Variants in REV3L observed in about 807,000 individuals in gnomAD.
REV3L encodes the protein REV3 like, DNA directed polymerase zeta catalytic subunit.
A neutral mutation model predicts 299.4 loss-of-function variants in REV3L; 69 were observed. The observed-to-expected ratio is 0.23, with a 90% confidence interval of 0.19 to 0.28. REV3L has a LOEUF of 0.28. Ranked by LOEUF, REV3L falls within the 10% of genes least tolerant of loss-of-function variation. REV3L has a pLI of 1.00. For synonymous variants in REV3L, 1,238 were observed against 1,271.4 expected, an observed-to-expected ratio of 0.97 and a Z score of 0.56; for missense variants, 3,128 against 3,693.8, an observed-to-expected ratio of 0.85 and a Z score of 3.97.
intron 4 of REV3L, among the ~76,000 whole-genome samples, chr6:111,401,650 A>G (rs1783091318): frequency 1.3e-5 from 2 of 152,240 alleles, no homozygotes; most frequent in African/African-American, 4.8e-5. Context: ...ATAAAAATGT[A>G]ATTTTAACAA....
At chr6:111,457,585 T>C (rs1790294172) in intron 1 of REV3L, among the ~76,000 whole-genome samples, 1 of 151,808 alleles carries the variant, frequency 6.6e-6, no homozygotes, top group Admixed American at 6.6e-5. Flanking sequence ...AATTGATGCT[T>C]CAGGAACAGC....
Position 111,313,466 on chromosome 6 carries a change from T to C in REV3L, c.8490A>G (p.Gln2830=). The part of the protein sequence containing the change: ...FEKVYLPCVL[Q]TKKRYVGYMY... The stretch of plus-strand genomic sequence containing the variant: ...TGTAACCCACATACCTCTTTTTTGT[T>C]TGTAAAACACAGGGCAAATATACCT... Residue 2830 remains glutamine (Q), a synonymous_variant, in exon 28 of 32, where the codon CAA becomes CAG. Coordinates refer to ENST00000368802, the MANE Select transcript of REV3L (RefSeq NM_001372078.1). The C allele has an allele frequency of 6.2e-7, 1 of 1,611,876 alleles. No homozygotes were observed. The highest frequency in any genetic ancestry group is 8.5e-7 in the Non-Finnish European group (1 of 1,179,418).
chr6:111,350,776 A>G (rs951953582), intron 19 of REV3L, among the ~76,000 whole-genome samples: 6 of 150,004 alleles, frequency 4.0e-5, no homozygotes, highest in African/African-American at 1.5e-4. Context: ...TTTGGTAGAA[A>G]TGGGGTCTCA....
intron 1 of REV3L, among the ~76,000 whole-genome samples, chr6:111,424,218 A>G (rs942402649): frequency 6.6e-6 from 1 of 152,216 alleles, no homozygotes; most frequent in African/African-American, 2.4e-5. Context: ...TTGATAATAT[A>G]AACATATTAG....
chr6:111,351,357 G>T (rs1161937597), intron 19 of REV3L, among the ~76,000 whole-genome samples: 2 of 151,808 alleles, frequency 1.3e-5, no homozygotes, highest in Admixed American at 1.3e-4. Context: ...AATATGTGTG[G>T]TAAGACACTA....
chr6:111,449,672 A>G (rs192839106), intron 1 of REV3L, among the ~76,000 whole-genome samples: 11 of 152,276 alleles, frequency 7.2e-5, no homozygotes, highest in African/African-American at 2.6e-4. Context: ...TTCTGTTCCC[A>G]CCCAACTAAG....
rs893395552 is a variant in REV3L, at chr6:111,313,099, G to A, written c.8604+253C>T. 302 of 306,024 alleles carry A rather than the reference G, an allele frequency of 9.9e-4. 2 individuals are homozygous for A. Among genetic ancestry groups the A allele is most frequent in the Admixed American group, 1.1e-3 (21 of 19,934 alleles). 19.0% of individuals were successfully genotyped at this position (306,024 alleles called of 1,614,324 possible). ...GATTGCTTGAGCTCAGGAGGTCAAGGCTGCAGTGAGCCAGGATTGGACTAC... is the reference window on the plus strand; with the variant it reads ...GATTGCTTGAGCTCAGGAGGTCAAGACTGCAGTGAGCCAGGATTGGACTAC... On this transcript the variant is annotated intron_variant, in intron 28 of 31. Coordinates refer to ENST00000368802, the MANE Select transcript of REV3L (RefSeq NM_001372078.1).
intron 30 of REV3L, chr6:111,307,971 T>G: frequency 3.5e-6 from 1 of 287,126 alleles, no homozygotes; most frequent in Non-Finnish European, 6.8e-6. Context: ...GTGTGTGATG[T>G]TCCCCGCCCT....
chr6:111,364,947 A>G (rs949056111), intron 15 of REV3L, among the ~76,000 whole-genome samples: 1 of 152,000 alleles, frequency 6.6e-6, no homozygotes, highest in Non-Finnish European at 1.5e-5. Flanking sequence ...CACTTACTTG[A>G]GCTCTGCTGT....
At position 111,367,780 on chromosome 6, in the gene REV3L, C is replaced by T; in HGVS notation, c.6008G>A (p.Arg2003Gln). The stretch of plus-strand genomic sequence containing the variant: ...TTGAAGCCACACTTGAACCAGTTGT[C>T]GACTTGGGGCACATTTGCAAGGCAT... ...VIMPCKCAPS[R>Q]QLVQVWLQAK... Residue 2003 changes from arginine to glutamine, a missense_variant, in exon 14 of 32, where the codon CGA becomes CAA. Transcript: ENST00000368802. 6 of 1,614,102 alleles carry T rather than the reference C, an allele frequency of 3.7e-6. No homozygotes were observed. Among genetic ancestry groups the T allele is most frequent in the Non-Finnish European group, 5.1e-6 (6 of 1,180,000 alleles).
chr6:111,307,398 A>G lies in REV3L; in HGVS notation c.9215T>C (p.Ile3072Thr), dbSNP rs1457691070. ...QHVAVILNQE[I>T]RELERQQEQL... ...CTCCTGTTGACGTTCCAACTCCCGG[A>G]TTTCTTGGTTGAGGATGACTGCAAC... is the stretch of plus-strand genomic sequence containing the variant. The change falls in exon 31 of 32, where the codon ATC (isoleucine) becomes ACC (threonine). Residue 3072 changes from isoleucine to threonine, a missense_variant. Physicochemically the swap from Ile to Thr is moderately conservative, Grantham distance 89. This residue lies in a region of REV3L where 294 missense variants were observed against 377.0 expected (regional missense o/e 0.78). Transcript: ENST00000368802. 1.2e-5 allele frequency: 19 copies of G among 1,614,030 alleles called. No individual in the cohort carries two copies. In the East Asian group the frequency reaches 4.2e-4, roughly 36 times the overall value.
intron 1 of REV3L, among the ~76,000 whole-genome samples, chr6:111,477,424 T>G (rs898738054): frequency 3.9e-5 from 6 of 152,200 alleles, no homozygotes; most frequent in Admixed American, 3.3e-4. Flanking sequence ...TGAGGAGAGT[T>G]CATGGTGCTC....
intron 18 of REV3L, among the ~76,000 whole-genome samples, chr6:111,352,205 A>C (rs534344823): frequency 4.2e-4 from 64 of 152,082 alleles, no homozygotes; most frequent in Non-Finnish European, 7.8e-4. Flanking sequence ...ATGAGGTTTC[A>C]CCATGTTGGT....
rs17511490 is a variant in REV3L, at chr6:111,309,469, C to T, written c.9042+384G>A. On this transcript the variant is annotated intron_variant, in intron 30 of 31. Transcript: ENST00000368802. ...TGTGCTGTTCTGCTGGCGTGCTCCTCTTGACGACCAGCTGCTTGGGTCTTC... is the reference window on the plus strand; with the variant it reads ...TGTGCTGTTCTGCTGGCGTGCTCCTTTTGACGACCAGCTGCTTGGGTCTTC... 2.1e-3 allele frequency: 329 copies of T among 156,286 alleles called. 2 individuals are homozygous for T. Among genetic ancestry groups the T allele is most frequent in the African/African-American group, 7.6e-3 (318 of 41,620 alleles). 9.7% of individuals were successfully genotyped at this position (156,286 alleles called of 1,614,324 possible).
intron 1 of REV3L, among the ~76,000 whole-genome samples, chr6:111,445,972 G>A (rs1367868745): frequency 1.3e-5 from 2 of 152,168 alleles, no homozygotes; most frequent in Non-Finnish European, 2.9e-5. Flanking sequence ...AGAAAAATGG[G>A]AAATAAGCCT....
chr6:111,328,993 C>T (rs2114816484), intron 25 of REV3L, among the ~76,000 whole-genome samples: 1 of 152,304 alleles, frequency 6.6e-6, no homozygotes, highest in African/African-American at 2.4e-5. Flanking sequence ...TCTCAAACTC[C>T]TGAGCTCAAG....
chr6:111,343,859 T>C, intron 21 of REV3L, 66 bp downstream of exon 21: 1 of 1,130,708 alleles, frequency 8.8e-7, no homozygotes, highest in Non-Finnish European at 1.3e-6. Flanking sequence ...GTGTGCATTT[T>C]ATTACATATA....
intron 1 of REV3L, chr6:111,431,136 T>C: frequency 1.3e-6 from 2 of 1,524,782 alleles, no homozygotes; most frequent in Middle Eastern, 2.4e-4. Flanking sequence ...AAGACACAGA[T>C]CTTCCAAGCG....
At chr6:111,482,704 C>G in intron 1 of REV3L, 46 bp downstream of exon 1, 1 of 1,171,370 alleles carries the variant, frequency 8.5e-7, no homozygotes, top group Non-Finnish European at 1.1e-6. Context: ...GCGGCCCCGG[C>G]GCCCCGCCGA....
Sources: gnomAD v4.1 joint callset for allele counts (sites outside exome capture counted in the v4.1 genomes callset) on GRCh38, gnomAD v4.1.1 for gene constraint, gnomAD v4.1.1 regional missense constraint, MANE v1.5 for transcripts, NCBI Gene and HGNC (gene_info 2026-07-23, HGNC 2026-07-21) for gene names.